Variants in DOCK6 observed in about 807,000 individuals in gnomAD.
DOCK6 encodes dedicator of cytokinesis 6, also known as dedicator of cytokinesis protein 6.
A neutral mutation model predicts 230.3 loss-of-function variants in DOCK6; 167 were observed. The observed-to-expected ratio is 0.73, with a 90% CI of 0.64 to 0.82. The LOEUF (loss-of-function observed/expected upper bound fraction) is 0.82, where lower values mean the gene tolerates loss of function less well. Among genes scored for constraint, DOCK6 ranks in the 40% least tolerant of loss-of-function variants. DOCK6 has a pLI of 0.00. For missense variants in DOCK6, 2,598 were observed against 2,825.8 expected (o/e 0.92, Z 1.83); for synonymous variants, 1,148 against 1,185.0 (o/e 0.97, Z 0.64).
At position 11,217,343 on chromosome 19, in the gene DOCK6, G is replaced by A. The variant is rs1405711465; in HGVS notation, c.3599C>T (p.Thr1200Ile). 6.2e-7 allele frequency: 1 copy of A among 1,613,562 alleles called. No individual in the cohort carries two copies. Among genetic ancestry groups the A allele is most frequent in the Admixed American group, 1.7e-5 (1 of 59,960 alleles). ...SRLASMLDSD[T>I]EGEGDIAGTI... ...ACCCGCAATGTCCCCTTCGCCTTCT[G>A]TGTCTGAGTCAAGCATTGAGGCCAG... is the stretch of plus-strand genomic sequence containing the variant. The change falls in exon 29 of 48, where the codon ACA (threonine) becomes ATA (isoleucine). Residue 1200 changes from threonine to isoleucine, a missense_variant. Transcript: ENST00000294618.
rs1308882665 is a variant in DOCK6, at chr19:11,209,095, C to T, written c.4760G>A (p.Arg1587Gln). The change falls in exon 38 of 48, where the codon CGG becomes CAG. Residue 1587 changes from arginine to glutamine, a missense_variant. Transcript: ENST00000294618. ...AAGGTCCGGTGAGCCCTGGTAGCCC[C>T]GGGCAATTCTGGAGTCCAGGTGAGG... ...MLIDLMYRIA[R>Q]GYQGSPDLRL... The T allele has an allele frequency of 9.3e-6, 15 of 1,611,466 alleles. No individual in the cohort carries two copies. Among genetic ancestry groups the T allele is most frequent in the East Asian group, 2.2e-5 (1 of 44,852 alleles).
At chr19:11,239,499 A>G in intron 14 of DOCK6, 1 of 1,070,924 alleles carries the variant, frequency 9.3e-7, no homozygotes, top group Non-Finnish European at 1.4e-6. Context: ...CGCCTGATGC[A>G]ACTATCGCAC....
chr19:11,225,644 A>G (rs1226085982), intron 24 of DOCK6, among the ~76,000 whole-genome samples: 1 of 152,124 alleles, frequency 6.6e-6, no homozygotes. Context: ...GTGAGCCATG[A>G]TCACACCACC....
Position 11,248,141 on chromosome 19 carries a change from A to G in DOCK6, c.731T>C (p.Val244Ala). ...TGGCTCTGGGCGGCTACAGCGTTCC[A>G]CGGCTTCATCCTGCCAAGAGTGGGG... ...LYPAPDEDEAVERCSRPEPPR... is the reference protein window; with the variant it reads ...LYPAPDEDEAAERCSRPEPPR... Residue 244 changes from valine to alanine, a missense_variant, in exon 7 of 48, where the codon GTG (valine) becomes GCG (alanine). By Grantham distance (64) the Val-to-Ala change is moderately conservative. Coordinates refer to ENST00000294618, the MANE Select transcript of DOCK6 (RefSeq NM_020812.4). 6.5e-7 allele frequency: 1 copy of G among 1,547,996 alleles called. No homozygotes were observed. The highest frequency in any genetic ancestry group is 8.8e-7 in the Non-Finnish European group (1 of 1,135,838).
At position 11,214,330 on chromosome 19, in the gene DOCK6, T is replaced by A; in HGVS notation, c.4283A>T (p.Gln1428Leu). 6.2e-7 allele frequency: 1 copy of A among 1,613,558 alleles called. No individual in the cohort carries two copies. Among genetic ancestry groups the A allele is most frequent in the East Asian group, 2.2e-5 (1 of 44,850 alleles). ...GCCATGCTGCAAGAAGAGGGCACTC[T>A]GGGCACTGCCCAGGCTGTACAGCAC... is the stretch of plus-strand genomic sequence containing the variant. ...KVVLYSLGSA[Q>L]SALFLQHGLA... Residue 1428 changes from glutamine (Q) to leucine (L), a missense_variant, in exon 34 of 48, where the codon CAG becomes CTG. Gln to Leu is a moderately radical substitution (Grantham distance 113, BLOSUM62 -2). Transcript: ENST00000294618.
rs1446671464 is a variant in DOCK6, at chr19:11,201,714, C to G, written c.5688+175G>C. On this transcript the variant is annotated intron_variant, in intron 44 of 47. Transcript: ENST00000294618. This position sits in a 1 kb window ranked among gnomAD's most constrained non-coding sequence, Gnocchi z 4.3. ...CCTCCCAGGTCTCCCTGGGTCTGGT[C>G]TCCTCCCCTCCCCTCCCTGGGGATC... Among the ~76,000 whole-genome samples the G allele has an allele frequency of 2.0e-5, 3 of 151,550 alleles. No individual in the cohort carries two copies. Among genetic ancestry groups the G allele is most frequent in the Non-Finnish European group, 2.9e-5 (2 of 67,828 alleles).
intron 1 of DOCK6, among the ~76,000 whole-genome samples, chr19:11,259,268 T>G (rs11668270): frequency 0.56 from 84,458 of 151,828 alleles, 25,099 homozygotes; most frequent in South Asian, 0.67. Flanking sequence ...CCCAGGCTGG[T>G]CTTGAACTCC....
In DOCK6 at chr19:11,226,816, TC is replaced by T. The variant is rs2079672800; in HGVS notation, c.2955+520del. Among the ~76,000 whole-genome samples the T allele has an allele frequency of 2.0e-5, 3 of 152,186 alleles. 1 individual carries two copies. The South Asian group carries it at 6.2e-4, about 31-fold the overall frequency. On this transcript the variant is annotated intron_variant, in intron 24 of 47. Coordinates refer to ENST00000294618, the MANE Select transcript of DOCK6 (RefSeq NM_020812.4). ...ATTGGTAATCCAGGGCCTGAACAAG[TC>T]CACTGTCAGGGTCTCAGAACATCAA...
chr19:11,200,828 GGGTGAGAGGGACT>G lies in DOCK6; in HGVS notation c.5833-19_5833-7del. ...TGGGCCACCTCCAGGGGACCCTGTGGGGTGAGAGGGACTGGTGAGCCAGCCTGCATGGCACCTG... is the reference window on the plus strand; with the variant it reads ...TGGGCCACCTCCAGGGGACCCTGTGGGGTGAGCCAGCCTGCATGGCACCTG... On this transcript the variant is annotated splice_polypyrimidine_tract_variant and splice_region_variant and intron_variant, in intron 45 of 47. Coordinates refer to ENST00000294618, the MANE Select transcript of DOCK6 (RefSeq NM_020812.4). The surrounding 1 kb of genome is among the most constrained non-coding windows in gnomAD (Gnocchi z 4.3). 1 of 1,612,772 alleles carries G rather than the reference GGGTGAGAGGGACT, an allele frequency of 6.2e-7. No homozygotes were observed. Among genetic ancestry groups the G allele is most frequent in the Non-Finnish European group, 8.5e-7 (1 of 1,178,922 alleles).
chr19:11,236,727 T>G lies in DOCK6; in HGVS notation c.2160+66A>C, dbSNP rs1218253141. 2 of 1,540,152 alleles carry G rather than the reference T, an allele frequency of 1.3e-6. No homozygotes were observed. Among genetic ancestry groups the G allele is most frequent in the African/African-American group, 2.7e-5 (2 of 72,752 alleles). ...GACCTCCCCGGCCATCGGCAACTGTTACTCAATCGTAGGGCAGGCAAGAGG... is the reference window on the plus strand; with the variant it reads ...GACCTCCCCGGCCATCGGCAACTGTGACTCAATCGTAGGGCAGGCAAGAGG... On this transcript the variant is annotated intron_variant, in intron 19 of 47. Transcript: ENST00000294618. This position sits in a 1 kb window ranked among gnomAD's most constrained non-coding sequence, Gnocchi z 5.2.
At chr19:11,216,848 C>T in intron 30 of DOCK6, 66 bp downstream of exon 30, 1 of 1,544,664 alleles carries the variant, frequency 6.5e-7, no homozygotes, top group Non-Finnish European at 8.9e-7. Context: ...CAGCCCGCAG[C>T]ACGCTGGGTC....
At position 11,235,721 on chromosome 19, in the gene DOCK6, C is replaced by T. The variant is rs771097164; in HGVS notation, c.2431G>A (p.Val811Ile). ...AGGCTCCGGTGAACAAGGCTGACTA[C>T]ATGGGCCATTGCTTCAAAGGCTCCA... The part of the protein sequence containing the change: ...GRGAFEAMAH[V>I]VSLVHRSLEA... The change falls in exon 21 of 48, where the codon GTA becomes ATA. Residue 811 changes from valine (V) to isoleucine (I), a missense_variant. Transcript: ENST00000294618. 4.8e-5 allele frequency: 77 copies of T among 1,599,220 alleles called. No homozygotes were observed. The highest frequency in any genetic ancestry group is 6.1e-5 in the Non-Finnish European group (72 of 1,172,624).
At chr19:11,231,398 G>A (rs1337505772) in intron 22 of DOCK6, among the ~76,000 whole-genome samples, 2 of 150,528 alleles carry the variant, frequency 1.3e-5, no homozygotes, top group African/African-American at 4.9e-5. Context: ...GCTGGTATTC[G>A]GTTGCTACTT....
At position 11,200,667 on chromosome 19, in the gene DOCK6, A is replaced by T; in HGVS notation, c.5939+49T>A. 1.3e-6 allele frequency: 2 copies of T among 1,550,846 alleles called. No homozygotes were observed. Among genetic ancestry groups the T allele is most frequent in the Non-Finnish European group, 1.8e-6 (2 of 1,142,760 alleles). On this transcript the variant is annotated intron_variant, in intron 46 of 47. Transcript: ENST00000294618. This position sits in a 1 kb window ranked among gnomAD's most constrained non-coding sequence, Gnocchi z 4.3. ...GATCAGATGGGCAGAGAGCAGGCCTATGCAGGTTAGGCAGACACGAGACCC... is the reference window on the plus strand; with the variant it reads ...GATCAGATGGGCAGAGAGCAGGCCTTTGCAGGTTAGGCAGACACGAGACCC...
At position 11,227,207 on chromosome 19, in the gene DOCK6, C is replaced by T. The variant is rs1169418937; in HGVS notation, c.2955+130G>A. On this transcript the variant is annotated intron_variant, in intron 24 of 47. Transcript: ENST00000294618. ...ACTTAAGAAACAGACAATGAATGAA[C>T]GGATCCACCCAGCAAAGTGGATTCC... The T allele has an allele frequency of 2.1e-5, 27 of 1,260,978 alleles. 1 individual carries two copies. In the South Asian group the frequency reaches 2.6e-4, roughly 12 times the overall value. The allele number at this position is 1,260,978 out of a possible 1,614,324, so 78.1% of individuals were successfully genotyped here.
At position 11,222,753 on chromosome 19, in the gene DOCK6, C is replaced by T; in HGVS notation, c.3222G>A (p.Val1074=). Residue 1074 remains valine, a synonymous_variant, in exon 26 of 48, where the codon GTG becomes GTA. Transcript: ENST00000294618. The surrounding 1 kb of genome is among the most constrained non-coding windows in gnomAD (Gnocchi z 4.0). The stretch of plus-strand genomic sequence containing the variant: ...AGCCCACCTGGGAGGTGGTGGAGGA[C>T]ACAGAGGGGGAGGGCGAGGCTGGAG... ...LSPPASPSPS[V]SSTTSQSSTF... 1.3e-6 allele frequency: 2 copies of T among 1,575,354 alleles called. No homozygotes were observed. The highest frequency in any genetic ancestry group is 1.7e-6 in the Non-Finnish European group (2 of 1,160,622).
chr19:11,253,094 G>A (rs576944707), intron 2 of DOCK6, 136 bp from the exon 3 acceptor site: 2 of 866,808 alleles, frequency 2.3e-6, no homozygotes, highest in African/African-American at 1.7e-5. Flanking sequence ...TGGAGTTACG[G>A]AGGAACCATG....
At chr19:11,240,010 C>A (rs2079917153) in intron 14 of DOCK6, 1 of 1,548,594 alleles carries the variant, frequency 6.5e-7, no homozygotes. Flanking sequence ...AACCAACCAT[C>A]CTGGTTTGCC....
Position 11,245,885 on chromosome 19 carries a change from G to GT in DOCK6, c.807-8dup. 6.4e-6 allele frequency: 10 copies of GT among 1,557,588 alleles called. No individual in the cohort carries two copies. The highest frequency in any genetic ancestry group is 7.8e-6 in the Non-Finnish European group (9 of 1,150,260). ...CTCAATTTCAATCTCGAACCTACAAGTAAATGGGAGGGAGGGGGCTCTCCT... is the reference window on the plus strand; with the variant it reads ...CTCAATTTCAATCTCGAACCTACAAGTTAAATGGGAGGGAGGGGGCTCTCCT... On this transcript the variant is annotated splice_region_variant and splice_polypyrimidine_tract_variant and intron_variant, in intron 7 of 47. Coordinates refer to ENST00000294618, the MANE Select transcript of DOCK6 (RefSeq NM_020812.4).
Sources: allele counts gnomAD v4.1 joint callset (sites outside exome capture counted in the v4.1 genomes callset), GRCh38; gene constraint gnomAD v4.1.1; non-coding constraint Gnocchi (gnomAD v3.1); transcripts MANE v1.5; gene names NCBI Gene and HGNC (gene_info 2026-07-23, HGNC 2026-07-21).